RREB1: variants seen among roughly 807,000 people sequenced by gnomAD.
RREB1 encodes the protein ras responsive element binding protein 1.
In RREB1, 27 loss-of-function variants were observed where a neutral mutation model predicts 117.8. The ratio of observed to expected loss-of-function variants is 0.23; its 90% CI spans 0.17 to 0.32. The LOEUF (loss-of-function observed/expected upper bound fraction) is 0.32. Ranked by LOEUF, RREB1 falls within the 10% of genes least tolerant of loss-of-function variation. The pLI is 1.00. For missense variants in RREB1, 2,577 were observed against 2,378.2 expected (o/e 1.08, Z -1.74); for synonymous variants, 1,298 against 1,026.7 (o/e 1.26, Z -5.05).
At chr6:7,160,191 A>G (rs1763580699) in intron 1 of RREB1, among the ~76,000 whole-genome samples, 1 of 151,882 alleles carries the variant, frequency 6.6e-6, no homozygotes, top group Admixed American at 6.5e-5. Flanking sequence ...TGGTACAATT[A>G]TAGCTCACTA....
intron 10 of RREB1, among the ~76,000 whole-genome samples, chr6:7,239,897 T>G (rs1768583012): frequency 6.6e-6 from 1 of 152,202 alleles, no homozygotes; most frequent in Admixed American, 6.5e-5. Flanking sequence ...CCCGTTCCCC[T>G]GTGGGAGGGA....
In RREB1 at chr6:7,246,989, T is replaced by G. The variant is rs1769112180; in HGVS notation, c.4539T>G (p.Gly1513=). 6.3e-7 allele frequency: 1 copy of G among 1,588,448 alleles called. No individual in the cohort carries two copies. ...CAGAGGTGGTGGAGTCGGCCCCGGG[T>G]GCCGGGGAGGCCCCGGCGGAAAAGC... The part of the protein sequence containing the change: ...TPAEVVESAP[G]AGEAPAEKLA... Residue 1513 remains glycine, a synonymous_variant, in exon 12 of 13, where the codon GGT becomes GGG. Transcript: ENST00000379938.
At chr6:7,172,699 T>TGGGGGGGGGG (rs1561759575) in intron 1 of RREB1, among the ~76,000 whole-genome samples, 1 of 109,596 alleles carries the variant, frequency 9.1e-6, no homozygotes, top group African/African-American at 3.6e-5. Context: ...TGTGGGGGGG[T>TGGGGGGGGGG]GGGGGTGACT....
intron 9 of RREB1, 105 bp downstream of exon 9, chr6:7,226,761 G>A (rs1346684016): frequency 1.6e-5 from 14 of 901,382 alleles, no homozygotes; most frequent in Non-Finnish European, 2.2e-5. Context: ...TTAAAATGTC[G>A]GTTGGGCTTT....
chr6:7,146,426 C>T (rs1057344039), intron 1 of RREB1, among the ~76,000 whole-genome samples: 5 of 152,056 alleles, frequency 3.3e-5, no homozygotes, highest in Middle Eastern at 3.4e-3. Flanking sequence ...TGTGTGCACA[C>T]GCAGACAGCC....
intron 1 of RREB1, among the ~76,000 whole-genome samples, chr6:7,117,885 G>A (rs1388571431): frequency 1.3e-5 from 2 of 151,926 alleles, no homozygotes; most frequent in African/African-American, 4.8e-5. Context: ...AGCCTGACAT[G>A]AATTTAAAAA....
chr6:7,243,942 G>A (rs758319489), intron 11 of RREB1, among the ~76,000 whole-genome samples: 1 of 152,050 alleles, frequency 6.6e-6, no homozygotes, highest in African/African-American at 2.4e-5. Context: ...GGACAAAGGG[G>A]AAGTAACCAG....
At chr6:7,113,216 A>T (rs540215404) in intron 1 of RREB1, among the ~76,000 whole-genome samples, 8 of 152,320 alleles carry the variant, frequency 5.3e-5, no homozygotes, top group Middle Eastern at 6.8e-3. Context: ...GGGTGGAGAA[A>T]GAGAATGAAA....
chr6:7,178,668 ACT>A (rs1483254299), intron 2 of RREB1, among the ~76,000 whole-genome samples: 3 of 151,352 alleles, frequency 2.0e-5, no homozygotes, highest in African/African-American at 7.3e-5. Flanking sequence ...GAGGCCAGTG[ACT>A]CTTTTCTTTT....
intron 6 of RREB1, 85 bp from the exon 7 acceptor site, chr6:7,210,719 C>T: frequency 1.6e-6 from 2 of 1,223,532 alleles, no homozygotes; most frequent in Non-Finnish European, 2.3e-6. Context: ...AATTTAAGTA[C>T]CAGTGCCTAA....
chr6:7,242,702 G>GT (rs1554128713), intron 11 of RREB1, among the ~76,000 whole-genome samples: 3 of 145,438 alleles, frequency 2.1e-5, no homozygotes, highest in South Asian at 2.2e-4. Context: ...TAAAAAAAAG[G>GT]GGGGGGGGGA....
intron 1 of RREB1, among the ~76,000 whole-genome samples, chr6:7,126,508 A>T (rs1490734580): frequency 1.3e-5 from 2 of 151,798 alleles, no homozygotes; most frequent in African/African-American, 4.8e-5. Flanking sequence ...ACCTCGGGTG[A>T]TCTGCCTGCC....
At chr6:7,141,479 C>G (rs1298494997) in intron 1 of RREB1, among the ~76,000 whole-genome samples, 3 of 152,200 alleles carry the variant, frequency 2.0e-5, no homozygotes, top group African/African-American at 7.2e-5. Context: ...GCCCGCCCCC[C>G]CGCCTTTTTT....
At chr6:7,118,409 C>A (rs1031093363) in intron 1 of RREB1, among the ~76,000 whole-genome samples, 11 of 152,300 alleles carry the variant, frequency 7.2e-5, no homozygotes, top group African/African-American at 2.4e-4. Context: ...GTGTGAGCCA[C>A]CGCTCCCGCC....
At chr6:7,149,148 C>G (rs1763002726) in intron 1 of RREB1, among the ~76,000 whole-genome samples, 2 of 152,192 alleles carry the variant, frequency 1.3e-5, no homozygotes, top group South Asian at 4.1e-4. Flanking sequence ...GTCTCAAACT[C>G]CTGACCTCAG....
At chr6:7,129,635 C>G (rs940207097) in intron 1 of RREB1, among the ~76,000 whole-genome samples, 1 of 152,238 alleles carries the variant, frequency 6.6e-6, no homozygotes, top group African/African-American at 2.4e-5. Context: ...TATTTCTTTA[C>G]AGCCATAGAC....
rs556845430 is a variant in RREB1 at position 7,157,877 on chromosome 6, G to A, written c.-284-18778G>A. Among the ~76,000 whole-genome samples the A allele has an allele frequency of 4.6e-5, 7 of 151,912 alleles. No individual in the cohort carries two copies. The South Asian group carries it at 1.5e-3, about 32-fold the overall frequency. ...GAGGGCTCTACCACTCGCTGCTAAT[G>A]CCTTCACATTTGTCTGGATTCCTGC... is the stretch of plus-strand genomic sequence containing the variant. On this transcript the variant is annotated intron_variant, in intron 1 of 12. Transcript: ENST00000379938.
chr6:7,245,273 G>A (rs1259111222), intron 11 of RREB1, among the ~76,000 whole-genome samples: 2 of 152,162 alleles, frequency 1.3e-5, no homozygotes, highest in African/African-American at 2.4e-5. Context: ...GTGGGCGCCT[G>A]TAATCCCAGC....
At chr6:7,232,021 G>A (rs994303678) in intron 10 of RREB1, 114 bp downstream of exon 10, 5 of 1,150,990 alleles carry the variant, frequency 4.3e-6, no homozygotes, top group Admixed American at 2.6e-5. Context: ...TCCTAGCTTG[G>A]CTTCTTCCCC....
Sources: allele counts gnomAD v4.1 joint callset (sites outside exome capture counted in the v4.1 genomes callset), GRCh38; gene constraint gnomAD v4.1.1; transcripts MANE v1.5; gene names NCBI Gene and HGNC (gene_info 2026-07-23, HGNC 2026-07-21).